NDRG1: variants seen among roughly 807,000 people sequenced by gnomAD.
The protein encoded by NDRG1 is N-myc downstream regulated 1.
In NDRG1, 32 loss-of-function variants were observed where a neutral mutation model predicts 56.9. The ratio of observed to expected loss-of-function variants is 0.56; its 90% confidence interval spans 0.42 to 0.76. The LOEUF is 0.76. NDRG1 is among the 30% of genes least tolerant of loss of function. NDRG1 has a pLI of 0.00. For missense variants in NDRG1, 507 were observed against 545.7 expected (o/e 0.93, Z 0.71); for synonymous variants, 211 against 204.1 (o/e 1.03, Z -0.29).
At position 133,259,511 on chromosome 8, in the gene NDRG1, A is replaced by G. The variant is rs78607711; in HGVS notation, c.327-281T>C. On this transcript the variant is annotated intron_variant, in intron 5 of 15. Transcript: ENST00000323851. ...GCTGCTAGGATTTCCCCTCATAGCA[A>G]GATTATAAACATCACTGAGGCTGAG... The G allele has an allele frequency of 3.7e-4, 186 of 499,204 alleles. No homozygotes were observed. The East Asian group carries it at 6.4e-3, about 17-fold the overall frequency. 30.9% of individuals were successfully genotyped at this position (499,204 alleles called of 1,614,324 possible).
At chr8:133,249,355 CAT>C in intron 10 of NDRG1, 1 of 162,038 alleles carries the variant, frequency 6.2e-6, no homozygotes, top group Non-Finnish European at 1.4e-5. Context: ...CAGCTCCCAA[CAT>C]GAGAAGCTCT....
intron 3 of NDRG1, among the ~76,000 whole-genome samples, chr8:133,271,038 G>C (rs1857160752): frequency 6.6e-6 from 1 of 152,134 alleles, no homozygotes; most frequent in Non-Finnish European, 1.5e-5. Context: ...AAGCTCCCAG[G>C]GCCAGCCCCA....
chr8:133,249,648 A>C (rs1466364120), intron 10 of NDRG1, among the ~76,000 whole-genome samples: 1 of 152,206 alleles, frequency 6.6e-6, no homozygotes, highest in Non-Finnish European at 1.5e-5. Flanking sequence ...TCCAGTTCTC[A>C]GAAAGTGTTT....
At chr8:133,296,694 G>GACACACACACAC (rs36215434) in intron 1 of NDRG1, 16 of 270,834 alleles carry the variant, frequency 5.9e-5, no homozygotes, top group East Asian at 2.4e-4. Flanking sequence ...CCCAGACACA[G>GACACACACACAC]ACACACACAC....
chr8:133,273,966 G>A (rs1219849571), intron 3 of NDRG1, among the ~76,000 whole-genome samples: 1 of 152,056 alleles, frequency 6.6e-6, no homozygotes, highest in African/African-American at 2.4e-5. Context: ...CCTCTCAGCC[G>A]AGCCAGATCA....
rs2130649168 is a variant in NDRG1, at chr8:133,237,271, C to G, written c.*1607G>C. 1 of 230,712 alleles carries G rather than the reference C, an allele frequency of 4.3e-6. No homozygotes were observed. Among genetic ancestry groups the G allele is most frequent in the East Asian group, 6.1e-5 (1 of 16,276 alleles). 14.3% of individuals were successfully genotyped at this position (230,712 alleles called of 1,614,324 possible). On this transcript the variant is annotated 3_prime_UTR_variant, in exon 16 of 16. Coordinates refer to ENST00000323851, the MANE Select transcript of NDRG1 (RefSeq NM_006096.4). ...TGTGCACAATAGTTTCCCATCCGTA[C>G]TCAGCCTCTCTTGCCCCGATCCCCG... is the stretch of plus-strand genomic sequence containing the variant.
rs1219777795 is a variant in NDRG1 at position 133,254,466 on chromosome 8, G to A, written c.594+73C>T. ...TGTCTTGTTCTCTCCACCCCCACAT[G>A]GGGCCCTGTGCTGAGCACCACACAA... On this transcript the variant is annotated intron_variant, in intron 9 of 15. Transcript: ENST00000323851. 13 of 1,532,818 alleles carry A rather than the reference G, an allele frequency of 8.5e-6. No homozygotes were observed. In the African/African-American group the frequency reaches 1.8e-4, roughly 21 times the overall value. The allele number at this position is 1,532,818 out of a possible 1,614,324, so 95.0% of individuals were successfully genotyped here. A position where few individuals can be genotyped will look rare whatever the true frequency, so the allele number is the denominator to read the frequency against.
chr8:133,261,963 G>A, intron 5 of NDRG1, 84 bp downstream of exon 5: 2 of 1,487,244 alleles, frequency 1.3e-6, no homozygotes, highest in Non-Finnish European at 1.8e-6. Context: ...CAGTTAAAAA[G>A]TATTTAAAAG....
At chr8:133,275,514 G>A (rs1035624029) in intron 3 of NDRG1, among the ~76,000 whole-genome samples, 1 of 152,036 alleles carries the variant, frequency 6.6e-6, no homozygotes, top group African/African-American at 2.4e-5. Flanking sequence ...TCACGTGACT[G>A]GCTCTATCTA....
intron 1 of NDRG1, among the ~76,000 whole-genome samples, chr8:133,285,306 G>C (rs935925969): frequency 1.3e-5 from 2 of 152,210 alleles, no homozygotes; most frequent in Non-Finnish European, 2.9e-5. Flanking sequence ...ATAAGGTCAA[G>C]TCTTACAGAC....
chr8:133,261,906 C>T (rs933072014), intron 5 of NDRG1, 141 bp downstream of exon 5: 1 of 1,222,486 alleles, frequency 8.2e-7, no homozygotes, highest in Non-Finnish European at 1.1e-6. Flanking sequence ...TGTATCTTTT[C>T]CCACAATTTA....
intron 1 of NDRG1, chr8:133,296,478 C>T (rs939536257): frequency 6.6e-6 from 3 of 455,986 alleles, no homozygotes; most frequent in African/African-American, 2.0e-5. Flanking sequence ...CCTGGACCCT[C>T]CCCCCACACA....
intron 3 of NDRG1, among the ~76,000 whole-genome samples, chr8:133,273,016 T>A (rs1431119609): frequency 9.2e-5 from 14 of 152,106 alleles, no homozygotes; most frequent in Non-Finnish European, 1.5e-4. Context: ...TAAGACCAGC[T>A]CAGCTCTGCT....
At chr8:133,268,698 G>A (rs1053753590) in intron 3 of NDRG1, among the ~76,000 whole-genome samples, 1 of 152,184 alleles carries the variant, frequency 6.6e-6, no homozygotes, top group Non-Finnish European at 1.5e-5. Context: ...TGTGGTGGTA[G>A]AACTAGGATT....
At chr8:133,290,665 G>A (rs1858379890) in intron 1 of NDRG1, among the ~76,000 whole-genome samples, 1 of 152,132 alleles carries the variant, frequency 6.6e-6, no homozygotes, top group Non-Finnish European at 1.5e-5. Flanking sequence ...AGGTCAGCTG[G>A]GACAGTCACA....
At chr8:133,253,704 T>A (rs568869937) in intron 9 of NDRG1, among the ~76,000 whole-genome samples, 38 of 152,164 alleles carry the variant, frequency 2.5e-4, no homozygotes, top group Admixed American at 9.2e-4. Flanking sequence ...AGGAATAAAC[T>A]TTTTTTTAAG....
chr8:133,270,119 C>T (rs1321424034), intron 3 of NDRG1, among the ~76,000 whole-genome samples: 1 of 152,252 alleles, frequency 6.6e-6, no homozygotes, highest in South Asian at 2.1e-4. Context: ...GAGGGAAAGG[C>T]TGGCTCTCCA....
At chr8:133,261,998 G>C in intron 5 of NDRG1, 49 bp downstream of exon 5, 1 of 1,540,108 alleles carries the variant, frequency 6.5e-7, no homozygotes, top group Non-Finnish European at 8.7e-7. Context: ...ACCCCTCCCC[G>C]ACACCCAGTT....
intron 3 of NDRG1, among the ~76,000 whole-genome samples, chr8:133,279,453 A>C (rs1439853350): frequency 6.6e-6 from 1 of 152,186 alleles, no homozygotes; most frequent in Admixed American, 6.5e-5. Context: ...AGAATAGAGG[A>C]GTGAGATGCA....
Sources: allele counts gnomAD v4.1 joint callset (sites outside exome capture counted in the v4.1 genomes callset), GRCh38; gene constraint gnomAD v4.1.1; transcripts MANE v1.5; gene names NCBI Gene and HGNC (gene_info 2026-07-23, HGNC 2026-07-21).